Variants in LRBA observed in about 807,000 individuals in gnomAD.
The protein encoded by LRBA is lipopolysaccharide-responsive and beige-like anchor protein.
Under a neutral mutation model 330.0 loss-of-function variants are expected in LRBA, and 176 were observed. The ratio of observed to expected loss-of-function variants is 0.53; its 90% CI spans 0.47 to 0.60. LRBA has a LOEUF of 0.60. LRBA is among the 20% of genes least tolerant of loss of function. The pLI is 0.00. For synonymous variants in LRBA, 1,230 were observed against 1,193.0 expected (o/e 1.03, Z -0.64); for missense variants, 3,259 against 3,444.8 (o/e 0.95, Z 1.35).
At chr4:150,341,037 G>A (rs1407003228) in intron 48 of LRBA, among the ~76,000 whole-genome samples, 5 of 152,182 alleles carry the variant, frequency 3.3e-5, no homozygotes, top group Admixed American at 3.3e-4. Flanking sequence ...TGGACTGTAG[G>A]TAGGCAGGGA....
intron 46 of LRBA, among the ~76,000 whole-genome samples, chr4:150,419,501 T>C (rs1177639163): frequency 6.6e-6 from 1 of 151,878 alleles, no homozygotes; most frequent in Non-Finnish European, 1.5e-5. Flanking sequence ...TATGAAGGAA[T>C]TTTTCAACAG....
intron 2 of LRBA, among the ~76,000 whole-genome samples, chr4:150,970,420 A>G (rs771517398): frequency 2.0e-4 from 31 of 151,896 alleles, no homozygotes; most frequent in Non-Finnish European, 3.4e-4. Flanking sequence ...GGATCGCTTA[A>G]GCCCAAGAGG....
chr4:150,837,392 G>A (rs888861743), intron 28 of LRBA, among the ~76,000 whole-genome samples: 2 of 152,092 alleles, frequency 1.3e-5, no homozygotes, highest in Non-Finnish European at 2.9e-5. Context: ...GTTGACGGTG[G>A]GGTGTGAAAG....
chr4:150,502,778 G>A (rs1385354140), intron 40 of LRBA, among the ~76,000 whole-genome samples: 1 of 152,248 alleles, frequency 6.6e-6, no homozygotes, highest in Non-Finnish European at 1.5e-5. Flanking sequence ...AGAAGCGCAA[G>A]GGGTCAGGGA....
At chr4:150,933,616 T>A (rs866210777) in intron 2 of LRBA, among the ~76,000 whole-genome samples, 4 of 152,194 alleles carry the variant, frequency 2.6e-5, no homozygotes, top group Non-Finnish European at 5.9e-5. Context: ...AAAGATCTAT[T>A]GCATAGAAGG....
At chr4:150,826,229 A>C (rs1261243359) in intron 30 of LRBA, among the ~76,000 whole-genome samples, 1 of 152,218 alleles carries the variant, frequency 6.6e-6, no homozygotes, top group Non-Finnish European at 1.5e-5. Flanking sequence ...CCAAGAGGCA[A>C]CAGATGAGTT....
chr4:150,945,297 T>C (rs988288783), intron 2 of LRBA, among the ~76,000 whole-genome samples: 3 of 152,296 alleles, frequency 2.0e-5, no homozygotes, highest in Non-Finnish European at 4.4e-5. Flanking sequence ...AACTGAAACA[T>C]TAGATATAGC....
intron 34 of LRBA, among the ~76,000 whole-genome samples, chr4:150,791,050 T>A (rs1436862094): frequency 6.6e-6 from 1 of 152,248 alleles, no homozygotes. Flanking sequence ...AATTCCTTTT[T>A]GAAATTGAAA....
At chr4:150,294,811 G>A (rs1010456866) in intron 53 of LRBA, among the ~76,000 whole-genome samples, 2 of 152,234 alleles carry the variant, frequency 1.3e-5, no homozygotes, top group Middle Eastern at 3.4e-3. Flanking sequence ...AATTATCTGG[G>A]CGCGCTGGCG....
chr4:150,433,258 TTC>T (rs1750670334), intron 46 of LRBA, among the ~76,000 whole-genome samples: 1 of 152,150 alleles, frequency 6.6e-6, no homozygotes, highest in Non-Finnish European at 1.5e-5. Context: ...TTGTTTAGAT[TTC>T]TTTTTTATTT....
At chr4:150,803,062 CAAACAA>C (rs1741924943) in intron 33 of LRBA, among the ~76,000 whole-genome samples, 34 of 96,296 alleles carry the variant, frequency 3.5e-4, no homozygotes, top group African/African-American at 7.6e-4. Context: ...AAAACAAAAA[CAAACAA>C]AAAAAAAATA....
At chr4:150,311,472 A>C (rs1731061228) in intron 51 of LRBA, 1 of 152,180 alleles carries the variant, frequency 6.6e-6, no homozygotes, top group African/African-American at 2.4e-5. Flanking sequence ...GTTTAATAGA[A>C]AGCTCAGGAA....
At chr4:150,895,279 C>A (rs1262251986) in intron 16 of LRBA, among the ~76,000 whole-genome samples, 1 of 151,812 alleles carries the variant, frequency 6.6e-6, no homozygotes, top group Non-Finnish European at 1.5e-5. Context: ...ATTTAATTTT[C>A]TTTTTATTTT....
At chr4:150,586,414 G>A (rs1481459006) in intron 40 of LRBA, among the ~76,000 whole-genome samples, 1 of 152,004 alleles carries the variant, frequency 6.6e-6, no homozygotes, top group African/African-American at 2.4e-5. Context: ...AGTTAAAAAG[G>A]AAAAACACTG....
chr4:150,651,307 C>CAACT (rs1561471944), intron 37 of LRBA, among the ~76,000 whole-genome samples: 1 of 152,144 alleles, frequency 6.6e-6, no homozygotes, highest in Non-Finnish European at 1.5e-5. Context: ...TCCCCAATAA[C>CAACT]AACTAAGTTC....
chr4:150,755,849 G>A (rs1734214209), intron 35 of LRBA, among the ~76,000 whole-genome samples: 1 of 151,184 alleles, frequency 6.6e-6, no homozygotes, highest in Admixed American at 6.6e-5. Context: ...ACTAGCCTGG[G>A]CAACATGGCA....
chr4:150,501,588 G>T (rs1272009075), intron 40 of LRBA, among the ~76,000 whole-genome samples: 1 of 151,598 alleles, frequency 6.6e-6, no homozygotes, highest in Non-Finnish European at 1.5e-5. Context: ...CTGGGCAATA[G>T]AGCAAGACCC....
chr4:150,910,302 G>T (rs972910311), intron 9 of LRBA, among the ~76,000 whole-genome samples: 3 of 151,994 alleles, frequency 2.0e-5, no homozygotes, highest in Non-Finnish European at 4.4e-5. Context: ...TTACTTTTAG[G>T]TCTTTAATCC....
chr4:150,820,651 T>G (rs914226140), intron 30 of LRBA, among the ~76,000 whole-genome samples: 1 of 152,020 alleles, frequency 6.6e-6, no homozygotes, highest in African/African-American at 2.4e-5. Flanking sequence ...TGCTTCAGCT[T>G]AAGGCTACAC....
Sources: gnomAD v4.1 joint callset for allele counts (sites outside exome capture counted in the v4.1 genomes callset) on GRCh38, gnomAD v4.1.1 for gene constraint, MANE v1.5 for transcripts, NCBI Gene and HGNC (gene_info 2026-07-23, HGNC 2026-07-21) for gene names.